The following ADPRHL1 variants were observed in gnomAD, a reference collection of about 807,000 sequenced individuals.
ADPRHL1 encodes ADP-ribosylhydrolase like 1, also known as inactive ADP-ribosyltransferase ARH2.
ADPRHL1 carries 43 observed loss-of-function variants against 44.1 expected under a neutral mutation model. The observed-to-expected ratio is 0.98, with a 90% CI of 0.76 to 1.26. The LOEUF (loss-of-function observed/expected upper bound fraction) is 1.26, where lower values mean the gene tolerates loss of function less well. ADPRHL1 is among the 50% of genes most tolerant of loss of function. ADPRHL1 has a pLI of 0.00. For missense variants in ADPRHL1, 2,022 were observed against 2,496.9 expected (o/e 0.81, Z 4.05); for synonymous variants, 878 against 1,017.4 (o/e 0.86, Z 2.61).
intron 1 of ADPRHL1, among the ~76,000 whole-genome samples, chr13:113,445,073 G>A (rs1448059887): frequency 6.6e-6 from 1 of 152,188 alleles, no homozygotes; most frequent in Non-Finnish European, 1.5e-5. Flanking sequence ...GTGCTGCAGG[G>A]ACAGCTGCCA....
chr13:113,433,868 C>T lies in ADPRHL1; in HGVS notation c.380-1G>A. On this transcript the variant is annotated splice_acceptor_variant, in intron 2 of 7. Coordinates refer to ENST00000612156, the MANE Select transcript of ADPRHL1 (RefSeq NM_001394807.1). LOFTEE classifies it high-confidence loss of function. The stretch of plus-strand genomic sequence containing the variant: ...TTGGTGGCCGCTCCAAACCCTGAGC[C>T]TGTGTGGAGAAGGAAGAGCTAGTTT... The T allele has an allele frequency of 6.5e-7, 1 of 1,543,986 alleles. No individual in the cohort carries two copies. Among genetic ancestry groups the T allele is most frequent in the Admixed American group, 1.9e-5 (1 of 51,788 alleles).
Position 113,407,614 on chromosome 13 carries a change from C to G in ADPRHL1, c.1668G>C (p.Glu556Asp). 8.1e-7 allele frequency: 1 copy of G among 1,232,136 alleles called. No homozygotes were observed. Among genetic ancestry groups the G allele is most frequent in the African/African-American group, 1.5e-5 (1 of 64,556 alleles). 76.3% of individuals were successfully genotyped at this position (1,232,136 alleles called of 1,614,324 possible). Residue 556 changes from glutamate (E) to aspartate (D), a missense_variant, in exon 8 of 8, where the codon GAG becomes GAC. Transcript: ENST00000612156. The stretch of plus-strand genomic sequence containing the variant: ...CCTCGGAGCACAGGCAGCTGTTCTG[C>G]TCGAACTTCTCCCGCAGCTTGGACA... ...SVLSKLREKF[E>D]QNSCLCSEAS...
At chr13:113,415,770 A>AAAAAAAAAAG (rs1555325970) in intron 7 of ADPRHL1, among the ~76,000 whole-genome samples, 51 of 132,882 alleles carry the variant, frequency 3.8e-4, no homozygotes, top group Middle Eastern at 3.9e-3. Flanking sequence ...AAAAAAAAAA[A>AAAAAAAAAAG]AGAGAGAGAG....
At position 113,422,980 on chromosome 13, in the gene ADPRHL1, C is replaced by T. The variant is rs550616373; in HGVS notation, c.908-1G>A. On this transcript the variant is annotated splice_acceptor_variant, in intron 6 of 7. Coordinates refer to ENST00000612156, the MANE Select transcript of ADPRHL1 (RefSeq NM_001394807.1). LOFTEE classifies it high-confidence loss of function. The stretch of plus-strand genomic sequence containing the variant: ...ATGGTGCCCGTGGCCGCGCTCTCCC[C>T]TGAAACGCAAAGGCAGCAGTTGCAG... 2.5e-5 allele frequency: 40 copies of T among 1,612,620 alleles called. No homozygotes were observed. In the Admixed American group the frequency reaches 6.2e-4, roughly 25 times the overall value.
At chr13:113,434,270 G>A (rs550363223) in intron 2 of ADPRHL1, among the ~76,000 whole-genome samples, 8 of 152,130 alleles carry the variant, frequency 5.3e-5, no homozygotes, top group South Asian at 2.1e-4. Context: ...GCACCCAGGC[G>A]CAGGGTGAAC....
chr13:113,413,516 C>A (rs982911769), intron 7 of ADPRHL1, among the ~76,000 whole-genome samples: 3 of 152,234 alleles, frequency 2.0e-5, no homozygotes, highest in Non-Finnish European at 4.4e-5. Context: ...TGGGGCTCTG[C>A]GTGTCTCCCG....
At position 113,441,987 on chromosome 13, in the gene ADPRHL1, T is replaced by C. The variant is rs1475728138; in HGVS notation, c.379+2438A>G. On this transcript the variant is annotated intron_variant, in intron 2 of 7. Transcript: ENST00000612156. The surrounding 1 kb of genome is among the most constrained non-coding windows in gnomAD (Gnocchi z 6.0). ...CGCGGCGTCCGCGTCTCTATCACGC[T>C]GTGTCCTGTGGCGCGGGTCTCTGTT... is the stretch of plus-strand genomic sequence containing the variant. Among the ~76,000 whole-genome samples, 1 of 152,292 alleles carries C rather than the reference T, an allele frequency of 6.6e-6. No homozygotes were observed. The highest frequency in any genetic ancestry group is 2.4e-5 in the African/African-American group (1 of 41,484).
In ADPRHL1 at chr13:113,425,136, A is replaced by G. The variant is rs775524503; in HGVS notation, c.690T>C (p.Phe230=). The change falls in exon 5 of 8, where the codon TTT becomes TTC. Residue 230 remains phenylalanine, a synonymous_variant. Transcript: ENST00000612156. ...TACTGATTTTCCTCTCCTCCAAATA[A>G]AATTGCCATTTAGCTTCAAAGTAAA... is the stretch of plus-strand genomic sequence containing the variant. ...HWFYFEAKWQ[F]YLEERKISKD... 7 of 1,613,374 alleles carry G rather than the reference A, an allele frequency of 4.3e-6. No homozygotes were observed. Among genetic ancestry groups the G allele is most frequent in the Non-Finnish European group, 5.9e-6 (7 of 1,179,888 alleles).
intron 1 of ADPRHL1, among the ~76,000 whole-genome samples, chr13:113,450,906 A>C (rs1431018124): frequency 2.0e-5 from 3 of 151,992 alleles, no homozygotes; most frequent in Non-Finnish European, 4.4e-5. Flanking sequence ...GCCCTCCACA[A>C]GAGGTGGAAG....
At chr13:113,408,331 G>C in intron 7 of ADPRHL1, 111 bp from the exon 8 acceptor site, 1 of 1,108,494 alleles carries the variant, frequency 9.0e-7, no homozygotes, top group African/African-American at 1.6e-5. Flanking sequence ...CCAAAAGTCT[G>C]GTAGGGAGAA....
chr13:113,419,280 ATTTTTTT>A (rs33995150), intron 7 of ADPRHL1, among the ~76,000 whole-genome samples: 16,772 of 106,500 alleles, frequency 0.16, 1,239 homozygotes, highest in Middle Eastern at 0.27. Flanking sequence ...TAATTTTTGT[ATTTTTTT>A]TTTTTTTTTT....
chr13:113,403,775 C>T lies in ADPRHL1; in HGVS notation c.5507G>A (p.Gly1836Glu). The T allele has an allele frequency of 8.1e-7, 1 of 1,233,278 alleles. No individual in the cohort carries two copies. The highest frequency in any genetic ancestry group is 4.1e-5 in the South Asian group (1 of 24,482). The allele number at this position is 1,233,278 out of a possible 1,614,324, so 76.4% of individuals were successfully genotyped here. A position where few individuals can be genotyped will look rare whatever the true frequency, so the allele number is the denominator to read the frequency against. The change falls in exon 8 of 8, where the codon GGG becomes GAG. Residue 1836 changes from glycine (G) to glutamate (E), a missense_variant. By Grantham distance (98) the Gly-to-Glu change is moderately conservative (BLOSUM62 -2). Around this residue, in one of 8 missense-constraint regions of ADPRHL1, gnomAD observed 205 missense variants for 250.1 expected, o/e 0.82. Transcript: ENST00000612156. ...CCTGGGGGCTGGGCTTCTGGACCCC[C>T]CACTCCTGCCAGCAGCATCCACTCC... ...AEGVDAAGRS[G>E]GSRSPAPRDG...
At chr13:113,444,347 T>C (rs1595555591) in intron 2 of ADPRHL1, 78 bp downstream of exon 2, 2 of 1,525,564 alleles carry the variant, frequency 1.3e-6, no homozygotes, top group Admixed American at 3.7e-5. Context: ...ATGCTGGGGG[T>C]TAGTGGAAGG....
At chr13:113,428,861 A>G (rs1484431649) in intron 4 of ADPRHL1, 91 bp downstream of exon 4, 1 of 1,569,998 alleles carries the variant, frequency 6.4e-7, no homozygotes. Context: ...TCTAAGAGCG[A>G]AAGTGCCTTG....
In ADPRHL1 at chr13:113,441,935, G is replaced by A. The variant is rs573117245; in HGVS notation, c.379+2490C>T. Among the ~76,000 whole-genome samples the A allele has an allele frequency of 2.3e-4, 35 of 152,292 alleles. No homozygotes were observed. The highest frequency in any genetic ancestry group is 1.9e-3 in the East Asian group (10 of 5,180). ...ACGCTTTACTCCACCGTGCTGGTCC[G>A]TGTCTCTGTCACGTTGTGTCCCGCC... On this transcript the variant is annotated intron_variant, in intron 2 of 7. Coordinates refer to ENST00000612156, the MANE Select transcript of ADPRHL1 (RefSeq NM_001394807.1). The surrounding 1 kb of genome is among the most constrained non-coding windows in gnomAD (Gnocchi z 6.0).
chr13:113,422,369 G>C (rs2043930334), intron 7 of ADPRHL1: 1 of 158,692 alleles, frequency 6.3e-6, no homozygotes, highest in Admixed American at 6.0e-5. Flanking sequence ...GGAGGGTGGG[G>C]GGTGGGGGGA....
At chr13:113,413,441 G>C (rs2043870235) in intron 7 of ADPRHL1, among the ~76,000 whole-genome samples, 1 of 152,240 alleles carries the variant, frequency 6.6e-6, no homozygotes, top group Non-Finnish European at 1.5e-5. Context: ...GAACAGCGTG[G>C]ACGCCAGGAA....
chr13:113,407,540 T>C lies in ADPRHL1; in HGVS notation c.1742A>G (p.Gln581Arg). 8.1e-7 allele frequency: 1 copy of C among 1,232,226 alleles called. No homozygotes were observed. Among genetic ancestry groups the C allele is most frequent in the Non-Finnish European group, 1.0e-6 (1 of 988,082 alleles). The allele number at this position is 1,232,226 out of a possible 1,614,324, so 76.3% of individuals were successfully genotyped here. ...CTCCGGCCGGTGCATCCTCTTCCTC[T>C]GCAGGTTCCTCTTCTTCCGCTCCTG... ...HTQERKKRNL[Q>R]RKRMHRPEVR... Residue 581 changes from glutamine (Q) to arginine (R), a missense_variant, in exon 8 of 8, where the codon CAG becomes CGG. By Grantham distance (43) the Gln-to-Arg change is conservative (BLOSUM62 1). Around this residue, in one of 8 missense-constraint regions of ADPRHL1, gnomAD observed 1,221 missense variants for 1,517.8 expected, o/e 0.80. Coordinates refer to ENST00000612156, the MANE Select transcript of ADPRHL1 (RefSeq NM_001394807.1).
At chr13:113,439,052 T>C (rs2044079879) in intron 2 of ADPRHL1, among the ~76,000 whole-genome samples, 1 of 152,228 alleles carries the variant, frequency 6.6e-6, no homozygotes, top group Non-Finnish European at 1.5e-5. Flanking sequence ...ACAATTTATA[T>C]TATTTATTCC....
Sources: allele counts gnomAD v4.1 joint callset (sites outside exome capture counted in the v4.1 genomes callset), GRCh38; gene constraint gnomAD v4.1.1; regional missense constraint gnomAD v4.1.1; non-coding constraint Gnocchi (gnomAD v3.1); transcripts MANE v1.5; gene names NCBI Gene and HGNC (gene_info 2026-07-23, HGNC 2026-07-21).